The following SYT14 variants were observed in gnomAD, a reference collection of about 807,000 sequenced individuals.
The protein encoded by SYT14 is synaptotagmin 14.
In SYT14, 32 loss-of-function variants were observed where a neutral mutation model predicts 74.2. The ratio of observed to expected loss-of-function variants is 0.43; its 90% confidence interval spans 0.33 to 0.58. The LOEUF is 0.58. Among genes scored for constraint, SYT14 ranks in the 20% least tolerant of loss-of-function variants. The pLI is 0.05. For synonymous variants in SYT14, 298 were observed against 337.7 expected (o/e 0.88, Z 1.29); for missense variants, 791 against 981.8 (o/e 0.81, Z 2.60).
intron 5 of SYT14, among the ~76,000 whole-genome samples, chr1:210,040,722 T>C (rs750471673): frequency 3.9e-5 from 6 of 152,176 alleles, no homozygotes; most frequent in Non-Finnish European, 5.9e-5. Context: ...CACTGGTTCC[T>C]AAAGTCATTT....
At chr1:210,000,415 A>C (rs546655736) in intron 2 of SYT14, among the ~76,000 whole-genome samples, 20 of 150,752 alleles carry the variant, frequency 1.3e-4, no homozygotes, top group Non-Finnish European at 2.7e-4. Context: ...TGTAATTTTT[A>C]TTAGACTTGC....
chr1:210,086,964 G>T (rs188755660), intron 5 of SYT14, among the ~76,000 whole-genome samples: 80 of 152,210 alleles, frequency 5.3e-4, no homozygotes, highest in African/African-American at 1.9e-3. Flanking sequence ...CTGCACACAT[G>T]TTCTCCCATC....
intron 2 of SYT14, among the ~76,000 whole-genome samples, chr1:209,981,278 GA>G (rs2079479503): frequency 1.3e-5 from 2 of 152,116 alleles, no homozygotes; most frequent in African/African-American, 4.8e-5. Flanking sequence ...TCCATGTTTA[GA>G]ATTCCATTAA....
rs537342431 is a variant in SYT14, at chr1:210,040,052, A to G, written c.1312+18798A>G. ...CCAAAGGATTATAAATCATTCTACT[A>G]TAAAGACACATGCACACATATGTTT... On this transcript the variant is annotated intron_variant, in intron 5 of 9. Transcript: ENST00000637265. 1.4e-4 allele frequency among the ~76,000 whole-genome samples: 22 copies of G among 152,324 alleles called. No homozygotes were observed. The South Asian group carries it at 3.3e-3, about 23-fold the overall frequency.
chr1:209,999,550 A>G (rs992682426), intron 2 of SYT14, among the ~76,000 whole-genome samples: 2 of 152,176 alleles, frequency 1.3e-5, no homozygotes, highest in African/African-American at 4.8e-5. Flanking sequence ...GTAAATTTAC[A>G]CAATGGAATA....
rs2080198562 is a variant in SYT14 at position 210,017,007 on chromosome 1, A to G, written c.1004A>G (p.Asp335Gly). ...ACGAAATACTGTAAAGTGAACGAAG[A>G]CATAAAACCAAAGAAAACTGAGGCC... Residue 335 changes from aspartate to glycine, a missense_variant, in exon 4 of 10, where the codon GAC becomes GGC. By Grantham distance (94) the Asp-to-Gly change is moderately conservative. Transcript: ENST00000637265. 6.5e-6 allele frequency: 8 copies of G among 1,231,756 alleles called. No homozygotes were observed. In the South Asian group the frequency reaches 2.9e-4, roughly 44 times the overall value. 76.3% of individuals were successfully genotyped at this position (1,231,756 alleles called of 1,614,324 possible).
intron 5 of SYT14, among the ~76,000 whole-genome samples, chr1:210,051,323 A>G (rs535074329): frequency 2.2e-4 from 34 of 152,312 alleles, no homozygotes; most frequent in African/African-American, 7.7e-4. Context: ...ACTGTGTTCA[A>G]AAGTTATTTG....
At chr1:210,010,556 G>A (rs2102910714) in intron 2 of SYT14, among the ~76,000 whole-genome samples, 1 of 152,182 alleles carries the variant, frequency 6.6e-6, no homozygotes, top group South Asian at 2.1e-4. Flanking sequence ...AGCGTTTTAT[G>A]ACTTTCTCAG....
chr1:210,163,392 C>T (rs907130408), exon 10 of SYT14: 1 of 453,564 alleles, frequency 2.2e-6, no homozygotes, highest in Non-Finnish European at 4.4e-6. Context: ...TGGAAAGACC[C>T]TACCTCCACC....
chr1:209,986,925 T>G (rs1252564291), intron 2 of SYT14, among the ~76,000 whole-genome samples: 1 of 152,090 alleles, frequency 6.6e-6, no homozygotes, highest in African/African-American at 2.4e-5. Context: ...CCCGACCCAA[T>G]TATCTTTCAT....
chr1:210,025,918 C>A (rs1023517918), intron 5 of SYT14, among the ~76,000 whole-genome samples: 1 of 152,162 alleles, frequency 6.6e-6, no homozygotes, highest in Non-Finnish European at 1.5e-5. Context: ...GTCATCACTG[C>A]TACTTTAGTA....
intron 2 of SYT14, among the ~76,000 whole-genome samples, chr1:209,968,168 T>G (rs1172889599): frequency 6.6e-6 from 1 of 152,178 alleles, no homozygotes; most frequent in Non-Finnish European, 1.5e-5. Flanking sequence ...TGTGACAGAA[T>G]GTAGCCTCAT....
At position 210,123,449 on chromosome 1, in the gene SYT14, T is replaced by A. The variant is rs189312248; in HGVS notation, c.2034+22988T>A. Among the ~76,000 whole-genome samples, 8 of 152,314 alleles carry A rather than the reference T, an allele frequency of 5.3e-5. No individual in the cohort carries two copies. The East Asian group carries it at 1.5e-3, about 29-fold the overall frequency. The stretch of plus-strand genomic sequence containing the variant: ...CTACCAGGTACAGCATGGGGTAGCA[T>A]GAATCTGGGGATTAAAAACAAGATA... On this transcript the variant is annotated intron_variant, in intron 7 of 9. Coordinates refer to ENST00000637265, the Ensembl canonical transcript of SYT14.
chr1:210,115,969 G>A (rs929702661), intron 7 of SYT14, among the ~76,000 whole-genome samples: 24 of 151,114 alleles, frequency 1.6e-4, no homozygotes, highest in Non-Finnish European at 2.6e-4. Context: ...GGGGTGGGCC[G>A]TTTTATAGGA....
chr1:210,109,808 C>A (rs2082227931), intron 7 of SYT14, among the ~76,000 whole-genome samples: 1 of 152,106 alleles, frequency 6.6e-6, no homozygotes, highest in African/African-American at 2.4e-5. Context: ...GCTATAGAGA[C>A]ACGTACACAT....
At chr1:210,049,075 A>G (rs1009855740) in intron 5 of SYT14, among the ~76,000 whole-genome samples, 10 of 152,224 alleles carry the variant, frequency 6.6e-5, no homozygotes, top group Admixed American at 3.9e-4. Flanking sequence ...GTGGCTCTGC[A>G]GGGTACAGCC....
exon 10 of SYT14, chr1:210,161,974 T>C (rs1311907279): frequency 2.2e-6 from 1 of 453,694 alleles, no homozygotes; most frequent in African/African-American, 2.0e-5. Flanking sequence ...GGAAAACAAT[T>C]CAATTTTAAT....
exon 10 of SYT14, chr1:210,161,367 A>G: frequency 2.1e-6 from 1 of 472,836 alleles, no homozygotes. Context: ...GAAAAATCAA[A>G]ATTATAAGTG....
intron 1 of SYT14, among the ~76,000 whole-genome samples, chr1:209,947,071 A>G (rs1055724889): frequency 6.6e-6 from 1 of 152,226 alleles, no homozygotes; most frequent in Non-Finnish European, 1.5e-5. Context: ...AGTCCTACTC[A>G]GAAAAAAGAT....
Sources: allele counts gnomAD v4.1 joint callset (sites outside exome capture counted in the v4.1 genomes callset), GRCh38; gene constraint gnomAD v4.1.1; transcripts MANE v1.5; gene names NCBI Gene and HGNC (gene_info 2026-07-23, HGNC 2026-07-21).